Variants in DAB1 observed in about 807,000 individuals in gnomAD.
DAB1 encodes the protein DAB adaptor protein 1, also known as disabled homolog 1.
In DAB1, 15 loss-of-function variants were observed where a neutral mutation model predicts 64.6. The observed-to-expected ratio is 0.23, with a 90% CI of 0.16 to 0.36. The LOEUF is 0.36. DAB1 is among the 10% of genes least tolerant of loss of function. The pLI is 1.00. For missense variants in DAB1, 596 were observed against 706.7 expected, an observed-to-expected ratio of 0.84 and a Z score of 1.78; for synonymous variants, 235 against 251.9, an observed-to-expected ratio of 0.93 and a Z score of 0.64.
chr1:57,727,825 A>G (rs1246362018), intron 6 of DAB1, among the ~76,000 whole-genome samples: 1 of 150,664 alleles, frequency 6.6e-6, no homozygotes, highest in East Asian at 2.0e-4. Context: ...ATCCTGCTTA[A>G]TTCCTACATT....
At chr1:58,381,580 T>A (rs1177495688) in intron 3 of DAB1, among the ~76,000 whole-genome samples, 1 of 152,168 alleles carries the variant, frequency 6.6e-6, no homozygotes, top group Non-Finnish European at 1.5e-5. Context: ...CAATGTGAGA[T>A]ATAGAAATGG....
intron 1 of DAB1, among the ~76,000 whole-genome samples, chr1:57,331,608 G>A (rs117313228): frequency 6.6e-6 from 1 of 152,244 alleles, no homozygotes; most frequent in East Asian, 1.9e-4. Flanking sequence ...GTGAAATACT[G>A]GAATCCTGCT....
intron 5 of DAB1, among the ~76,000 whole-genome samples, chr1:58,036,024 A>G: frequency 6.6e-6 from 1 of 152,162 alleles, no homozygotes; most frequent in Middle Eastern, 3.2e-3. Flanking sequence ...AACCCCACTT[A>G]GCCTGGGGTG....
chr1:58,350,265 T>G (rs1644039340), intron 3 of DAB1, among the ~76,000 whole-genome samples: 1 of 152,228 alleles, frequency 6.6e-6, no homozygotes, highest in Non-Finnish European at 1.5e-5. Flanking sequence ...TTTTGTGAAA[T>G]GTCTGCTCAT....
chr1:57,043,834 A>G (rs532039184), intron 9 of DAB1, among the ~76,000 whole-genome samples: 7 of 151,492 alleles, frequency 4.6e-5, no homozygotes, highest in African/African-American at 1.7e-4. Context: ...GTGACAGAGT[A>G]AGACTCCTAC....
intron 8 of DAB1, 63 bp downstream of exon 8, chr1:57,069,297 A>C: frequency 7.5e-7 from 1 of 1,325,808 alleles, no homozygotes; most frequent in South Asian, 1.2e-5. Flanking sequence ...TCTTTAGACT[A>C]TCAGTACATT....
chr1:57,939,006 T>C (rs1645065419), intron 5 of DAB1, among the ~76,000 whole-genome samples: 1 of 152,170 alleles, frequency 6.6e-6, no homozygotes, highest in Admixed American at 6.5e-5. Context: ...GTCAATATCT[T>C]AGTTTGGACT....
At chr1:57,497,899 G>C (rs551986789) in intron 7 of DAB1, among the ~76,000 whole-genome samples, 1 of 152,302 alleles carries the variant, frequency 6.6e-6, no homozygotes, top group African/African-American at 2.4e-5. Context: ...GATCATTTTG[G>C]TTGTCATAGG....
intron 3 of DAB1, among the ~76,000 whole-genome samples, chr1:58,348,686 A>T (rs1486789920): frequency 6.6e-6 from 1 of 152,190 alleles, no homozygotes; most frequent in East Asian, 1.9e-4. Flanking sequence ...TGATGCTGTG[A>T]TTCTAATTAT....
At chr1:58,514,247 G>T (rs1276126080) in intron 2 of DAB1, among the ~76,000 whole-genome samples, 1 of 152,072 alleles carries the variant, frequency 6.6e-6, no homozygotes, top group Non-Finnish European at 1.5e-5. Flanking sequence ...GAAAGAATTT[G>T]CTACTATTAA....
intron 7 of DAB1, among the ~76,000 whole-genome samples, chr1:57,531,421 TA>T (rs556173257): frequency 1.7e-3 from 264 of 152,200 alleles, no homozygotes; most frequent in African/African-American, 6.1e-3. Context: ...CCCAGGTGAT[TA>T]AAAAGCTTTA....
At chr1:58,151,161 A>G (rs1654913846) in intron 4 of DAB1, among the ~76,000 whole-genome samples, 1 of 152,164 alleles carries the variant, frequency 6.6e-6, no homozygotes, top group Non-Finnish European at 1.5e-5. Context: ...ATATGTGTGC[A>G]TGTGTCTTTA....
At chr1:57,416,326 C>A (rs1467918904) in intron 1 of DAB1, among the ~76,000 whole-genome samples, 1 of 152,132 alleles carries the variant, frequency 6.6e-6, no homozygotes, top group Non-Finnish European at 1.5e-5. Flanking sequence ...CACTCTGTTA[C>A]TGATGGGAAG....
At position 57,359,892 on chromosome 1, in the gene DAB1, C is replaced by T. The variant is rs191028219; in HGVS notation, c.-137+64038G>A. ...ATGTGGAATCTAAAAGAGTTGATCT[C>T]ATAGAAGTAGAGAGTAGAATGGTGG... On this transcript the variant is annotated intron_variant, in intron 1 of 14. Transcript: ENST00000371236. Among the ~76,000 whole-genome samples, 271 of 152,032 alleles carry T rather than the reference C, an allele frequency of 1.8e-3. 5 individuals are homozygous for T. Among genetic ancestry groups the T allele is most frequent in the Non-Finnish European group, 4.1e-4 (28 of 67,944 alleles).
intron 1 of DAB1, among the ~76,000 whole-genome samples, chr1:57,828,032 G>A (rs1365698706): frequency 2.6e-5 from 4 of 152,022 alleles, no homozygotes; most frequent in Admixed American, 6.5e-5. Flanking sequence ...TGCAAGCTCC[G>A]CCTCCCGGGT....
intron 1 of DAB1, among the ~76,000 whole-genome samples, chr1:57,310,474 T>C (rs750934): frequency 0.03 from 4,558 of 152,132 alleles, 224 homozygotes; most frequent in African/African-American, 0.1. Context: ...ATACCAGAGC[T>C]GGGCCCTAGA....
intron 9 of DAB1, among the ~76,000 whole-genome samples, chr1:57,030,165 A>G (rs1646923485): frequency 6.6e-6 from 1 of 152,166 alleles, no homozygotes; most frequent in South Asian, 2.1e-4. Flanking sequence ...GTCTTATGAG[A>G]TCTGATGGGT....
chr1:58,424,096 G>T (rs561409603), intron 3 of DAB1, among the ~76,000 whole-genome samples: 2 of 152,284 alleles, frequency 1.3e-5, no homozygotes, highest in African/African-American at 4.8e-5. Flanking sequence ...AGAGGTGAAG[G>T]GGGAGGGAGA....
At chr1:57,488,927 A>G (rs1165336033) in intron 7 of DAB1, among the ~76,000 whole-genome samples, 1 of 152,228 alleles carries the variant, frequency 6.6e-6, no homozygotes, top group African/African-American at 2.4e-5. Flanking sequence ...AATAAATTAC[A>G]TCTCTTTTAT....
Sources: allele counts gnomAD v4.1 joint callset (sites outside exome capture counted in the v4.1 genomes callset), GRCh38; gene constraint gnomAD v4.1.1; transcripts MANE v1.5; gene names NCBI Gene and HGNC (gene_info 2026-07-23, HGNC 2026-07-21).